The following PHEX variants were observed in gnomAD, a reference collection of about 807,000 sequenced individuals.
PHEX encodes the protein phosphate-regulating neutral endopeptidase PHEX.
PHEX carries 16 observed loss-of-function variants against 68.0 expected under a neutral mutation model. The ratio of observed to expected loss-of-function variants is 0.24; its 90% CI spans 0.16 to 0.36. The LOEUF is 0.36. Ranked by LOEUF, PHEX falls within the 10% of genes least tolerant of loss-of-function variation. PHEX has a pLI of 1.00. For synonymous variants in PHEX, 208 were observed against 205.1 expected, an observed-to-expected ratio of 1.01 and a Z score of -0.12; for missense variants, 480 against 575.5, an observed-to-expected ratio of 0.83 and a Z score of 1.70.
intron 12 of PHEX, among the ~76,000 whole-genome samples, chrX:22,145,360 C>T (rs146611446): frequency 1.8e-5 from 2 of 112,140 alleles, no homozygotes; most frequent in Admixed American, 9.4e-5. Context: ...CCTGTAAACG[C>T]ATCACTTTGG....
At chrX:22,233,428 C>T (rs1023639368) in intron 20 of PHEX, among the ~76,000 whole-genome samples, 4 of 111,383 alleles carry the variant, frequency 3.6e-5, no homozygotes, top group Non-Finnish European at 5.7e-5. Context: ...CCATTCTCCC[C>T]GTCACTTTCA....
chrX:22,165,490 G>GGAGGCA (rs1763014413), intron 12 of PHEX, among the ~76,000 whole-genome samples: 1 of 111,310 alleles, frequency 9.0e-6, no homozygotes, highest in Admixed American at 9.6e-5. Context: ...CTGCTTGGGT[G>GGAGGCA]GAGGCAGAGG....
At chrX:22,238,078 AGTTT>A (rs1936047333) in intron 20 of PHEX, among the ~76,000 whole-genome samples, 2 of 112,139 alleles carry the variant, frequency 1.8e-5, no homozygotes, top group Non-Finnish European at 3.8e-5. Flanking sequence ...GGAGTTAGTT[AGTTT>A]GAGACCAGCC....
At chrX:22,161,657 T>C (rs1933135866) in intron 12 of PHEX, among the ~76,000 whole-genome samples, 1 of 111,740 alleles carries the variant, frequency 8.9e-6, no homozygotes, top group Admixed American at 9.5e-5. Context: ...GGTAACATGG[T>C]GATTAGGTGG....
chrX:22,249,463 T>A lies in PHEX; in HGVS notation c.*1510T>A, dbSNP rs866855185. 368 of 63,600 alleles carry A rather than the reference T, an allele frequency of 5.8e-3. 6 individuals are homozygous for A. Among genetic ancestry groups the A allele is most frequent in the African/African-American group, 0.022 (277 of 12,750 alleles). 5.2% of individuals were successfully genotyped at this position (63,600 alleles called of 1,213,427 possible). A position where few individuals can be genotyped will look rare whatever the true frequency, so the allele number is the denominator to read the frequency against. On this transcript the variant is annotated 3_prime_UTR_variant, in exon 22 of 22. Coordinates refer to ENST00000379374, the MANE Select transcript of PHEX (RefSeq NM_000444.6). ...CTTTTAAAAAAAAAAAAAATATATA[T>A]ATATATATATATATATATATATATG...
rs925503659 is a variant in PHEX, at chrX:22,093,240, G to C, written c.733-743G>C. Among the ~76,000 whole-genome samples the C allele has an allele frequency of 3.6e-5, 4 of 111,903 alleles. No individual in the cohort carries two copies. In the East Asian group the frequency reaches 1.1e-3, roughly 31 times the overall value. On this transcript the variant is annotated intron_variant, in intron 6 of 21. Coordinates refer to ENST00000379374, the MANE Select transcript of PHEX (RefSeq NM_000444.6). Reference sequence around the variant, plus strand: ...GGTCATTTAATACCTGATGCGTTGAGATCTCACAAATATATCTGAAATGAG... The same window carrying C: ...GGTCATTTAATACCTGATGCGTTGACATCTCACAAATATATCTGAAATGAG...
At chrX:22,093,093 A>G (rs1293862725) in intron 6 of PHEX, among the ~76,000 whole-genome samples, 4 of 112,045 alleles carry the variant, frequency 3.6e-5, no homozygotes, top group Admixed American at 9.5e-5. Context: ...TTCAACAAAG[A>G]TTTATTAAAG....
At chrX:22,073,008 A>G (rs1490006129) in intron 3 of PHEX, among the ~76,000 whole-genome samples, 1 of 112,267 alleles carries the variant, frequency 8.9e-6, no homozygotes, top group Non-Finnish European at 1.9e-5. Flanking sequence ...AATTGCCTCT[A>G]CTATAGAAGC....
intron 15 of PHEX, among the ~76,000 whole-genome samples, chrX:22,198,289 T>C (rs1934438338): frequency 9.3e-6 from 1 of 107,014 alleles, no homozygotes; most frequent in Admixed American, 1.0e-4. Context: ...AAATGCTTGG[T>C]ATAGAGTGTG....
intron 1 of PHEX, among the ~76,000 whole-genome samples, chrX:22,036,031 C>T (rs2664861): frequency 2.8e-4 from 22 of 79,756 alleles, no homozygotes; most frequent in African/African-American, 1.1e-3. Flanking sequence ...CACACACACA[C>T]GTACATATAT....
intron 18 of PHEX, among the ~76,000 whole-genome samples, chrX:22,222,380 G>T (rs1935298812): frequency 8.9e-6 from 1 of 111,765 alleles, no homozygotes; most frequent in South Asian, 3.7e-4. Context: ...TCAGACATGG[G>T]TCCAAATCTA....
intron 3 of PHEX, among the ~76,000 whole-genome samples, chrX:22,050,592 A>C (rs1048282681): frequency 2.7e-4 from 29 of 109,362 alleles, no homozygotes; most frequent in African/African-American, 9.0e-4. Flanking sequence ...AAAAAAAAAA[A>C]ACAGAACGGT....
chrX:22,062,824 G>A (rs1442842966), intron 3 of PHEX, among the ~76,000 whole-genome samples: 1 of 108,861 alleles, frequency 9.2e-6, no homozygotes, highest in African/African-American at 3.4e-5. Flanking sequence ...GCAGTGGTGT[G>A]ATCTCGGCTC....
intron 3 of PHEX, among the ~76,000 whole-genome samples, chrX:22,067,416 A>G (rs142745294): frequency 0.013 from 1,463 of 111,609 alleles, 22 homozygotes; most frequent in African/African-American, 0.045. Context: ...TGAGGTTGGC[A>G]GAACTGAGAA....
chrX:22,190,394 C>T (rs954509532), intron 14 of PHEX, 50 bp from the exon 15 acceptor site: 1 of 863,167 alleles, frequency 1.2e-6, no homozygotes, highest in African/African-American at 2.0e-5. Flanking sequence ...TGCTTCCCTC[C>T]TGCCTGTATA....
intron 14 of PHEX, among the ~76,000 whole-genome samples, chrX:22,185,475 G>C (rs1341263939): frequency 9.0e-6 from 1 of 111,621 alleles, no homozygotes; most frequent in African/African-American, 3.3e-5. Context: ...AACAGGGAGT[G>C]GTAGGGACTG....
At chrX:22,046,434 T>C (rs1432711860) in intron 2 of PHEX, among the ~76,000 whole-genome samples, 1 of 111,456 alleles carries the variant, frequency 9.0e-6, no homozygotes, top group Non-Finnish European at 1.9e-5. Context: ...ATAGAAGAAA[T>C]AGTCACAGTT....
In PHEX at chrX:22,032,521, A is replaced by T. The variant is rs2146973774; in HGVS notation, c.-485A>T. Reference sequence around the variant, plus strand: ...ATGATTCTTGCAACAGAATTACATGATTAATTGAGATCTTGAAGTGGGTCC... The same window carrying T: ...ATGATTCTTGCAACAGAATTACATGTTTAATTGAGATCTTGAAGTGGGTCC... On this transcript the variant is annotated 5_prime_UTR_variant, in exon 1 of 22. Coordinates refer to ENST00000379374, the MANE Select transcript of PHEX (RefSeq NM_000444.6). The T allele has an allele frequency of 8.1e-6, 1 of 123,811 alleles. No homozygotes were observed. Among genetic ancestry groups the T allele is most frequent in the Admixed American group, 8.2e-5 (1 of 12,177 alleles). The allele number at this position is 123,811 out of a possible 1,213,427, so 10.2% of individuals were successfully genotyped here. A position where few individuals can be genotyped will look rare whatever the true frequency, so the allele number is the denominator to read the frequency against.
At chrX:22,115,089 A>G (rs952553761) in intron 11 of PHEX, among the ~76,000 whole-genome samples, 1 of 111,613 alleles carries the variant, frequency 9.0e-6, no homozygotes, top group Non-Finnish European at 1.9e-5. Flanking sequence ...GTACTTTGAG[A>G]GGCTAAGCCG....
Sources: gnomAD v4.1 joint callset for allele counts (sites outside exome capture counted in the v4.1 genomes callset) on GRCh38, gnomAD v4.1.1 for gene constraint, MANE v1.5 for transcripts, NCBI Gene and HGNC (gene_info 2026-07-23, HGNC 2026-07-21) for gene names.